The following PTPN14 variants were observed in gnomAD, a reference collection of about 807,000 sequenced individuals.
PTPN14 encodes tyrosine-protein phosphatase non-receptor type 14.
PTPN14 carries 53 observed loss-of-function variants against 126.8 expected under a neutral mutation model. The observed-to-expected ratio is 0.42, with a 90% CI of 0.34 to 0.53. The LOEUF (loss-of-function observed/expected upper bound fraction) is 0.53, where lower values mean the gene tolerates loss of function less well. Ranked by LOEUF, PTPN14 falls within the 20% of genes least tolerant of loss-of-function variation. The pLI, the probability that PTPN14 is intolerant of heterozygous loss-of-function variation, is 0.08. For missense variants in PTPN14, 1,257 were observed against 1,552.9 expected, an observed-to-expected ratio of 0.81 and a Z score of 3.20; for synonymous variants, 630 against 599.3, an observed-to-expected ratio of 1.05 and a Z score of -0.75.
chr1:214,467,749 T>C (rs1406993968), intron 1 of PTPN14, among the ~76,000 whole-genome samples: 2 of 152,222 alleles, frequency 1.3e-5, no homozygotes, highest in Non-Finnish European at 2.9e-5. Context: ...AAATGGTGTA[T>C]CAGGAGCGAT....
At chr1:214,408,322 G>C (rs376186931) in intron 5 of PTPN14, among the ~76,000 whole-genome samples, 12 of 152,266 alleles carry the variant, frequency 7.9e-5, no homozygotes, top group African/African-American at 2.6e-4. Context: ...TGAAACCAGA[G>C]CCAGAATGTT....
Position 214,384,716 on chromosome 1 carries a change from T to C in PTPN14, c.1139A>G (p.Asn380Ser). Residue 380 changes from asparagine (N) to serine (S), a missense_variant, in exon 13 of 19, where the codon AAT becomes AGT. This residue lies in a region of PTPN14 where 1,021 missense variants were observed against 1,183.3 expected (regional missense o/e 0.86). Coordinates refer to ENST00000366956, the MANE Select transcript of PTPN14 (RefSeq NM_005401.5). The surrounding 1 kb of genome is among the most constrained non-coding windows in gnomAD (Gnocchi z 5.3). Reference sequence around the variant, plus strand: ...CACGCTGCCATTGGTGACAGTGCCATTTAAATAATTTAAGTCCAGGCTGTT... The same window carrying C: ...CACGCTGCCATTGGTGACAGTGCCACTTAAATAATTTAAGTCCAGGCTGTT... ...SHNSLDLNYL[N>S]GTVTNGSVCS... is the part of the protein sequence containing the mutation. 6.2e-7 allele frequency: 1 copy of C among 1,614,140 alleles called. No homozygotes were observed. Among genetic ancestry groups the C allele is most frequent in the Non-Finnish European group, 8.5e-7 (1 of 1,180,024 alleles).
chr1:214,462,088 A>G (rs1471399561), intron 2 of PTPN14, among the ~76,000 whole-genome samples: 3 of 152,208 alleles, frequency 2.0e-5, no homozygotes, highest in Admixed American at 6.5e-5. Context: ...CACAACTTCA[A>G]TGTTATCTGT....
At chr1:214,372,433 G>C (rs1246812474) in intron 16 of PTPN14, 1 of 367,800 alleles carries the variant, frequency 2.7e-6, no homozygotes, top group African/African-American at 2.1e-5. Context: ...TTGGTTTTCT[G>C]TTGTTTTATT....
chr1:214,402,802 G>A (rs1659063968), intron 6 of PTPN14, 81 bp downstream of exon 6: 7 of 1,485,950 alleles, frequency 4.7e-6, no homozygotes, highest in East Asian at 2.3e-5. Context: ...CAGAGTTGCT[G>A]ATAGGGAGAT....
At chr1:214,465,126 A>G (rs1660605072) in intron 1 of PTPN14, among the ~76,000 whole-genome samples, 169 bp from the exon 2 acceptor site, 1 of 151,608 alleles carries the variant, frequency 6.6e-6, no homozygotes, top group Non-Finnish European at 1.5e-5. Flanking sequence ...GGCAGAGCCC[A>G]TGCCCTATGC....
chr1:214,364,737 G>A lies in PTPN14; in HGVS notation c.3272-62C>T. ...TCCATGGCTTCGCATGTAAGTTGGG[G>A]AGGGGGGAGCGGAAGAGAACTGATG... On this transcript the variant is annotated intron_variant, in intron 17 of 18. Coordinates refer to ENST00000366956, the MANE Select transcript of PTPN14 (RefSeq NM_005401.5). The surrounding 1 kb of genome is among the most constrained non-coding windows in gnomAD (Gnocchi z 4.1). The A allele has an allele frequency of 1.3e-6, 2 of 1,555,266 alleles. No individual in the cohort carries two copies. Among genetic ancestry groups the A allele is most frequent in the Middle Eastern group, 2.3e-4 (1 of 4,372 alleles).
At chr1:214,476,099 G>A (rs547791193) in intron 1 of PTPN14, among the ~76,000 whole-genome samples, 21 of 152,154 alleles carry the variant, frequency 1.4e-4, no homozygotes, top group Non-Finnish European at 1.9e-4. Context: ...TCAGCCCAAG[G>A]AAGCTCTATC....
At chr1:214,522,397 C>A (rs189822706) in intron 1 of PTPN14, among the ~76,000 whole-genome samples, 2 of 152,254 alleles carry the variant, frequency 1.3e-5, no homozygotes. Flanking sequence ...AAATTAATAT[C>A]TTGTTTTCAA....
At chr1:214,452,046 C>T (rs2102635002) in intron 2 of PTPN14, 72 bp from the exon 3 acceptor site, 1 of 1,497,782 alleles carries the variant, frequency 6.7e-7, no homozygotes, top group Non-Finnish European at 9.0e-7. Flanking sequence ...AGAAACGAGA[C>T]TCCAGCATGC....
At chr1:214,506,261 A>G (rs1457845936) in intron 1 of PTPN14, among the ~76,000 whole-genome samples, 2 of 152,116 alleles carry the variant, frequency 1.3e-5, no homozygotes, top group Non-Finnish European at 2.9e-5. Context: ...CCTCAATGCT[A>G]TGGGAGGCCA....
chr1:214,525,983 T>A (rs1340641762), intron 1 of PTPN14, among the ~76,000 whole-genome samples: 1 of 122,114 alleles, frequency 8.2e-6, no homozygotes, highest in Non-Finnish European at 1.8e-5. Flanking sequence ...TTTTTTTTTT[T>A]AAGACGGAGG....
In PTPN14 at chr1:214,551,462, C is replaced by G. The variant is rs1656111986; in HGVS notation, c.-434G>C. Reference sequence around the variant, plus strand: ...ATGGCTCAGCTGGGAGGGGAAGGAGCGCCAGTGGCCACTTGATGTCTGTCT... The same window carrying G: ...ATGGCTCAGCTGGGAGGGGAAGGAGGGCCAGTGGCCACTTGATGTCTGTCT... On this transcript the variant is annotated 5_prime_UTR_variant, in exon 1 of 19. Coordinates refer to ENST00000366956, the MANE Select transcript of PTPN14 (RefSeq NM_005401.5). The G allele has an allele frequency of 6.6e-6, 1 of 152,556 alleles. No individual in the cohort carries two copies. The highest frequency in any genetic ancestry group is 1.5e-5 in the Non-Finnish European group (1 of 68,374). 9.5% of individuals were successfully genotyped at this position (152,556 alleles called of 1,614,324 possible).
At chr1:214,373,045 AT>A (rs1658255871) in intron 15 of PTPN14, among the ~76,000 whole-genome samples, 1 of 152,180 alleles carries the variant, frequency 6.6e-6, no homozygotes, top group African/African-American at 2.4e-5. Context: ...ACTCAAGCCT[AT>A]TAAATATTTA....
At chr1:214,549,547 T>C (rs1034650296) in intron 1 of PTPN14, among the ~76,000 whole-genome samples, 5 of 152,212 alleles carry the variant, frequency 3.3e-5, no homozygotes, top group African/African-American at 1.2e-4. Context: ...AAGGCTGTCA[T>C]TTCTATGGCA....
At chr1:214,505,707 G>A (rs1293258091) in intron 1 of PTPN14, among the ~76,000 whole-genome samples, 1 of 152,152 alleles carries the variant, frequency 6.6e-6, no homozygotes, top group Non-Finnish European at 1.5e-5. Context: ...ACATGCCTAG[G>A]CAACACAGCA....
intron 1 of PTPN14, chr1:214,528,126 G>A (rs1655447890): frequency 6.6e-6 from 1 of 152,086 alleles, no homozygotes; most frequent in Non-Finnish European, 1.5e-5. Context: ...TATAAAATCT[G>A]GCAGTATGTA....
At chr1:214,484,141 T>C (rs1661061278) in intron 1 of PTPN14, among the ~76,000 whole-genome samples, 1 of 152,232 alleles carries the variant, frequency 6.6e-6, no homozygotes, top group Non-Finnish European at 1.5e-5. Context: ...TGGTGGCTCA[T>C]GCCTGTAATC....
chr1:214,507,192 G>C (rs761452438), intron 1 of PTPN14, among the ~76,000 whole-genome samples: 9 of 152,242 alleles, frequency 5.9e-5, no homozygotes, highest in Admixed American at 3.3e-4. Flanking sequence ...GGTAAGGAAT[G>C]GTTAACCATT....
Sources: gnomAD v4.1 joint callset for allele counts (sites outside exome capture counted in the v4.1 genomes callset) on GRCh38, gnomAD v4.1.1 for gene constraint, gnomAD v4.1.1 regional missense constraint, Gnocchi (gnomAD v3.1) non-coding constraint, MANE v1.5 for transcripts, NCBI Gene and HGNC (gene_info 2026-07-23, HGNC 2026-07-21) for gene names.